The following EPB41L2 variants were observed in gnomAD, a reference collection of about 807,000 sequenced individuals.
EPB41L2 encodes the protein band 4.1-like protein 2.
EPB41L2 carries 43 observed loss-of-function variants against 113.0 expected under a neutral mutation model. That is an observed-to-expected ratio of 0.38 (90% CI 0.30 to 0.49). The LOEUF (loss-of-function observed/expected upper bound fraction) is 0.49, where lower values mean the gene tolerates loss of function less well. Among genes scored for constraint, EPB41L2 ranks in the 20% least tolerant of loss-of-function variants. The pLI is 0.95. For synonymous variants in EPB41L2, 442 were observed against 436.7 expected (o/e 1.01, Z -0.15); for missense variants, 1,147 against 1,223.4 (o/e 0.94, Z 0.93).
At chr6:130,885,882 A>G (rs1285488549) in intron 11 of EPB41L2, among the ~76,000 whole-genome samples, 2 of 152,164 alleles carry the variant, frequency 1.3e-5, no homozygotes, top group African/African-American at 4.8e-5. Context: ...AAATCTATAC[A>G]TAGACACCTC....
intron 14 of EPB41L2, chr6:130,872,609 A>G: frequency 9.5e-7 from 1 of 1,057,534 alleles, no homozygotes; most frequent in Non-Finnish European, 1.2e-6. Context: ...ACCTATTGGA[A>G]GAAAGGAAAG....
intron 11 of EPB41L2, among the ~76,000 whole-genome samples, chr6:130,887,537 A>T (rs978266135): frequency 6.6e-6 from 1 of 152,176 alleles, no homozygotes; most frequent in East Asian, 1.9e-4. Context: ...GCCCTGCATG[A>T]TCTGACCCAG....
intron 1 of EPB41L2, among the ~76,000 whole-genome samples, chr6:131,027,019 T>C (rs1791020276): frequency 6.6e-6 from 1 of 152,238 alleles, no homozygotes; most frequent in Non-Finnish European, 1.5e-5. Context: ...AACTCATTTG[T>C]CTGACTTACT....
intron 5 of EPB41L2, among the ~76,000 whole-genome samples, chr6:130,907,235 C>T (rs1798008231): frequency 1.3e-5 from 2 of 152,134 alleles, no homozygotes; most frequent in South Asian, 2.1e-4. Flanking sequence ...ACTAAGCATC[C>T]GTAACCTTTT....
chr6:131,012,748 C>T (rs1787326084), intron 1 of EPB41L2, among the ~76,000 whole-genome samples: 1 of 152,000 alleles, frequency 6.6e-6, no homozygotes. Flanking sequence ...ATGCTAATTG[C>T]TAACTGAGAC....
At chr6:130,899,615 G>T in intron 7 of EPB41L2, 37 bp from the exon 8 acceptor site, 2 of 1,569,220 alleles carry the variant, frequency 1.3e-6, no homozygotes, top group South Asian at 1.1e-5. Context: ...CTTATTAATG[G>T]ATGCAGAGCA....
At position 131,060,851 on chromosome 6, in the gene EPB41L2, CT is replaced by C. The variant is rs796514640; in HGVS notation, c.-15+2303del. On this transcript the variant is annotated intron_variant, in intron 1 of 19. Transcript: ENST00000337057. ...CCTAAATTAAATTTGCTTCTTTCTA[CT>C]TGGACTTAAATTTCAGATTTGAAAT... Among the ~76,000 whole-genome samples, 16 of 152,242 alleles carry C rather than the reference CT, an allele frequency of 1.1e-4. 1 individual carries two copies. The highest frequency in any genetic ancestry group is 3.9e-4 in the African/African-American group (16 of 41,542).
At chr6:130,858,075 G>T in intron 19 of EPB41L2, 56 bp downstream of exon 19, 1 of 1,308,912 alleles carries the variant, frequency 7.6e-7, no homozygotes, top group Non-Finnish European at 1.1e-6. Flanking sequence ...CCTTTCACAA[G>T]TTCAGGAGTA....
At chr6:130,980,361 G>A (rs1447977023) in intron 1 of EPB41L2, among the ~76,000 whole-genome samples, 2 of 151,794 alleles carry the variant, frequency 1.3e-5, no homozygotes, top group Non-Finnish European at 2.9e-5. Context: ...AGAGAGGAGA[G>A]GTTCAACACA....
chr6:130,950,450 A>C (rs1814513290), intron 3 of EPB41L2, among the ~76,000 whole-genome samples: 1 of 152,192 alleles, frequency 6.6e-6, no homozygotes, highest in Non-Finnish European at 1.5e-5. Context: ...TGAAATGGAC[A>C]ATCTCTACCA....
At chr6:130,966,970 C>A (rs1186967582) in intron 1 of EPB41L2, among the ~76,000 whole-genome samples, 3 of 152,176 alleles carry the variant, frequency 2.0e-5, no homozygotes, top group African/African-American at 4.8e-5. Context: ...GTATATTTCA[C>A]AAACCCACCA....
chr6:130,860,564 GCT>G (rs1781694726), intron 18 of EPB41L2, among the ~76,000 whole-genome samples: 1 of 151,922 alleles, frequency 6.6e-6, no homozygotes, highest in Non-Finnish European at 1.5e-5. Context: ...ACGGAGTCTC[GCT>G]CTGTCGCCCA....
At chr6:131,060,043 A>C (rs1036593600) in intron 1 of EPB41L2, among the ~76,000 whole-genome samples, 1 of 152,216 alleles carries the variant, frequency 6.6e-6, no homozygotes, top group Non-Finnish European at 1.5e-5. Flanking sequence ...GTAGCAATTC[A>C]CACTTTTCAA....
At position 130,869,548 on chromosome 6, in the gene EPB41L2, G is replaced by A. The variant is rs374576969; in HGVS notation, c.2607+15C>T. ...CAGCTCTAGAGTTTGGCTCCCACCTGGGACTCCCATTTACCTCTGAACAAC... is the reference window on the plus strand; with the variant it reads ...CAGCTCTAGAGTTTGGCTCCCACCTAGGACTCCCATTTACCTCTGAACAAC... On this transcript the variant is annotated intron_variant, in intron 15 of 19. Coordinates refer to ENST00000337057, the MANE Select transcript of EPB41L2 (RefSeq NM_001431.4). The A allele has an allele frequency of 2.8e-5, 45 of 1,609,098 alleles. No individual in the cohort carries two copies. In the Middle Eastern group the frequency reaches 5.0e-4, roughly 18 times the overall value.
intron 1 of EPB41L2, among the ~76,000 whole-genome samples, chr6:130,984,094 T>C (rs553320756): frequency 3.9e-4 from 60 of 152,180 alleles, no homozygotes; most frequent in Non-Finnish European, 7.3e-4. Flanking sequence ...CATACTAGCA[T>C]AGGCCCATAC....
chr6:131,003,858 TC>T, intron 1 of EPB41L2, among the ~76,000 whole-genome samples: 2 of 152,330 alleles, frequency 1.3e-5, no homozygotes, highest in East Asian at 3.9e-4. Flanking sequence ...GGAGGTGATG[TC>T]ATTACCAGCC....
chr6:130,894,446 A>G lies in EPB41L2; in HGVS notation c.1390-5T>C. 1 of 1,613,116 alleles carries G rather than the reference A, an allele frequency of 6.2e-7. No homozygotes were observed. The highest frequency in any genetic ancestry group is 8.5e-7 in the Non-Finnish European group (1 of 1,179,170). On this transcript the variant is annotated splice_region_variant and splice_polypyrimidine_tract_variant and intron_variant, in intron 9 of 19. Transcript: ENST00000337057. ...GGTACTCTCAAACTGTTCCAGCTGGAATAAATCCGTAAAACAAATCAGCAT... is the reference window on the plus strand; with the variant it reads ...GGTACTCTCAAACTGTTCCAGCTGGGATAAATCCGTAAAACAAATCAGCAT...
At position 131,026,511 on chromosome 6, in the gene EPB41L2, T is replaced by A. The variant is rs145761428; in HGVS notation, c.-15+36644A>T. On this transcript the variant is annotated intron_variant, in intron 1 of 19. Coordinates refer to ENST00000337057, the MANE Select transcript of EPB41L2 (RefSeq NM_001431.4). ...AATGGTTCAGCTTTCCTAAGCCCTA[T>A]TAACAAGACGCTGACAAGACTGAAT... Among the ~76,000 whole-genome samples the A allele has an allele frequency of 1.7e-4, 26 of 152,314 alleles. No individual in the cohort carries two copies. The East Asian group carries it at 4.1e-3, about 24-fold the overall frequency.
chr6:130,870,784 C>G (rs1247292179), intron 14 of EPB41L2, among the ~76,000 whole-genome samples: 1 of 149,812 alleles, frequency 6.7e-6, no homozygotes, highest in African/African-American at 2.5e-5. Flanking sequence ...AACACAGCAC[C>G]AAGGAGATGG....
Sources: gnomAD v4.1 joint callset for allele counts (sites outside exome capture counted in the v4.1 genomes callset) on GRCh38, gnomAD v4.1.1 for gene constraint, MANE v1.5 for transcripts, NCBI Gene and HGNC (gene_info 2026-07-23, HGNC 2026-07-21) for gene names.